The following NIPBL variants were observed in gnomAD, a reference collection of about 807,000 sequenced individuals.
NIPBL encodes the protein nipped-B-like protein.
A neutral mutation model predicts 321.8 loss-of-function variants in NIPBL; 19 were observed. The ratio of observed to expected loss-of-function variants is 0.06; its 90% CI spans 0.04 to 0.09. NIPBL has a LOEUF of 0.09. Ranked by LOEUF, NIPBL falls within the 10% of genes least tolerant of loss-of-function variation. The probability of loss-of-function intolerance (pLI) is 1.00; values close to 1 mark genes in which losing one functional copy is unlikely to be tolerated. For missense variants in NIPBL, 2,210 were observed against 3,327.0 expected (o/e 0.66, Z 8.26); for synonymous variants, 1,106 against 1,114.1 (o/e 0.99, Z 0.14).
chr5:36,894,236 A>T (rs1320875950), intron 1 of NIPBL, among the ~76,000 whole-genome samples: 1 of 152,162 alleles, frequency 6.6e-6, no homozygotes, highest in Non-Finnish European at 1.5e-5. Flanking sequence ...AGCAAAGAAA[A>T]AGTAATCAAA....
At chr5:37,008,450 C>G (rs191609488) in intron 19 of NIPBL, among the ~76,000 whole-genome samples, 173 bp from the exon 20 acceptor site, 1 of 152,186 alleles carries the variant, frequency 6.6e-6, no homozygotes, top group East Asian at 1.9e-4. Context: ...CTAGTGTACT[C>G]TTTGACTTCT....
intron 1 of NIPBL, among the ~76,000 whole-genome samples, chr5:36,907,566 T>C (rs1381921916): frequency 6.6e-6 from 1 of 152,050 alleles, no homozygotes; most frequent in Non-Finnish European, 1.5e-5. Context: ...AAACAAAACA[T>C]TGTGGGAGTA....
chr5:37,057,123 G>A (rs978191836), intron 42 of NIPBL, 63 bp from the exon 43 acceptor site: 9 of 1,580,008 alleles, frequency 5.7e-6, no homozygotes, highest in South Asian at 1.1e-5. Flanking sequence ...TTCTAAAAAA[G>A]GTTTTTTGGT....
intron 29 of NIPBL, 34 bp from the exon 30 acceptor site, chr5:37,024,551 T>C (rs201225283): frequency 9.7e-5 from 154 of 1,581,690 alleles, no homozygotes; most frequent in Non-Finnish European, 1.3e-4. Flanking sequence ...CATCTCAATT[T>C]TTCTGACTCT....
At chr5:36,978,068 T>C (rs1195748162) in intron 9 of NIPBL, among the ~76,000 whole-genome samples, 2 of 152,024 alleles carry the variant, frequency 1.3e-5, no homozygotes, top group African/African-American at 2.4e-5. Flanking sequence ...GATAAACATA[T>C]GAGTGCAGGT....
Position 37,009,939 on chromosome 5 carries a change from A to G in NIPBL, c.4422-148A>G, listed in dbSNP as rs955530565. 3 of 652,820 alleles carry G rather than the reference A, an allele frequency of 4.6e-6. No homozygotes were observed. In the African/African-American group the frequency reaches 5.5e-5, roughly 12 times the overall value. 40.4% of individuals were successfully genotyped at this position (652,820 alleles called of 1,614,324 possible). On this transcript the variant is annotated intron_variant, in intron 20 of 46. Transcript: ENST00000282516. ...TACTTGATGTTTTTGCTAACTTACA[A>G]CAAATAATTACACATAAGAACACAA...
intron 1 of NIPBL, among the ~76,000 whole-genome samples, chr5:36,887,517 C>T (rs926332038): frequency 6.6e-6 from 1 of 152,162 alleles, no homozygotes; most frequent in African/African-American, 2.4e-5. Flanking sequence ...ACCTCTCCCC[C>T]GACCCTTTCC....
At chr5:36,893,970 C>T (rs749903021) in intron 1 of NIPBL, among the ~76,000 whole-genome samples, 2 of 152,058 alleles carry the variant, frequency 1.3e-5, no homozygotes, top group Non-Finnish European at 2.9e-5. Context: ...CCTATCTGTT[C>T]CTAAAGGTGT....
chr5:37,030,013 C>T (rs1239129170), intron 32 of NIPBL, among the ~76,000 whole-genome samples: 2 of 152,126 alleles, frequency 1.3e-5, no homozygotes, highest in Non-Finnish European at 2.9e-5. Context: ...TCATATATTT[C>T]ATTTGATAGT....
At chr5:36,989,969 G>A (rs879532392) in intron 10 of NIPBL, among the ~76,000 whole-genome samples, 1 of 150,260 alleles carries the variant, frequency 6.7e-6, no homozygotes, top group Non-Finnish European at 1.5e-5. Flanking sequence ...ACTCCAGAGT[G>A]TCTCAAAATA....
chr5:36,985,142 T>C lies in NIPBL; in HGVS notation c.1962T>C (p.Asn654=). The C allele has an allele frequency of 6.2e-7, 1 of 1,613,728 alleles. No homozygotes were observed. The highest frequency in any genetic ancestry group is 8.5e-7 in the Non-Finnish European group (1 of 1,179,890). The change falls in exon 10 of 47, where the codon AAT becomes AAC. Residue 654 remains asparagine (N), a synonymous_variant. Coordinates refer to ENST00000282516, the MANE Select transcript of NIPBL (RefSeq NM_133433.4). ...VETQTEELKQ[N]ESRTTECKQN... is the part of the protein sequence containing the mutation. ...CCCAAACAGAAGAACTTAAACAGAA[T>C]GAGAGCAGAACAACTGAATGCAAAC...
intron 9 of NIPBL, among the ~76,000 whole-genome samples, chr5:36,983,895 T>C (rs1445258416): frequency 1.3e-5 from 2 of 152,052 alleles, no homozygotes; most frequent in African/African-American, 4.8e-5. Flanking sequence ...TATAACTTTA[T>C]ATCGAAGAGT....
intron 1 of NIPBL, among the ~76,000 whole-genome samples, chr5:36,949,984 T>A (rs372672590): frequency 2.0e-5 from 3 of 152,064 alleles, no homozygotes; most frequent in East Asian, 3.8e-4. Context: ...AAGCATTCTT[T>A]TAATTAAACC....
intron 1 of NIPBL, among the ~76,000 whole-genome samples, chr5:36,890,105 A>G (rs1326985478): frequency 6.6e-6 from 1 of 152,164 alleles, no homozygotes; most frequent in Non-Finnish European, 1.5e-5. Context: ...CTAGTTTTCT[A>G]TATAATGTTC....
chr5:37,026,267 T>C lies in NIPBL; in HGVS notation c.5748T>C (p.Thr1916=), dbSNP rs748268175. 3 of 1,611,718 alleles carry C rather than the reference T, an allele frequency of 1.9e-6. No individual in the cohort carries two copies. Among genetic ancestry groups the C allele is most frequent in the Non-Finnish European group, 1.7e-6 (2 of 1,178,088 alleles). The part of the protein sequence containing the change: ...VNETFQKLWF[T]PTPHNDKEAM... ...AAACATTCCAGAAACTCTGGTTTAC[T>C]CCAACTCCACACAATGACAAAGAAG... The change falls in exon 31 of 47, where the codon ACT becomes ACC. Residue 1916 remains threonine, a synonymous_variant. Coordinates refer to ENST00000282516, the MANE Select transcript of NIPBL (RefSeq NM_133433.4).
At chr5:37,012,479 T>A (rs1390946983) in intron 21 of NIPBL, among the ~76,000 whole-genome samples, 1 of 148,476 alleles carries the variant, frequency 6.7e-6, no homozygotes, top group African/African-American at 2.5e-5. Flanking sequence ...TTTTTTTTTT[T>A]TTATTCATTC....
intron 1 of NIPBL, among the ~76,000 whole-genome samples, chr5:36,952,061 C>CGCGT (rs1554010306): frequency 4.6e-5 from 4 of 87,160 alleles, no homozygotes; most frequent in East Asian, 8.1e-4. Flanking sequence ...TGTGCGCGCG[C>CGCGT]GCGCGCGCGC....
chr5:36,953,890 T>TA, intron 2 of NIPBL, 130 bp downstream of exon 2: 2 of 752,946 alleles, frequency 2.7e-6, no homozygotes, highest in South Asian at 1.6e-5. Flanking sequence ...AACTGCCCTT[T>TA]AAAGAAAAAA....
At chr5:36,931,877 G>T (rs939204519) in intron 1 of NIPBL, among the ~76,000 whole-genome samples, 3 of 150,566 alleles carry the variant, frequency 2.0e-5, no homozygotes, top group Admixed American at 2.0e-4. Context: ...GTTTCTTAAG[G>T]TATGGAAGCA....
Sources: gnomAD v4.1 joint callset for allele counts (sites outside exome capture counted in the v4.1 genomes callset) on GRCh38, gnomAD v4.1.1 for gene constraint, MANE v1.5 for transcripts, NCBI Gene and HGNC (gene_info 2026-07-23, HGNC 2026-07-21) for gene names.